TRDMT1: variants seen among roughly 807,000 people sequenced by gnomAD.
The protein encoded by TRDMT1 is tRNA aspartic acid methyltransferase 1, also known as tRNA (cytosine(38)-C(5))-methyltransferase.
In TRDMT1, 49 loss-of-function variants were observed where a neutral mutation model predicts 51.2. The observed-to-expected ratio is 0.96, with a 90% CI of 0.76 to 1.21. The LOEUF (loss-of-function observed/expected upper bound fraction) is 1.21, where lower values mean the gene tolerates loss of function less well. Among genes scored for constraint, TRDMT1 ranks in the 50% most tolerant of loss-of-function variants. The probability of loss-of-function intolerance (pLI) is 0.00; values close to 1 mark genes in which losing one functional copy is unlikely to be tolerated. For synonymous variants in TRDMT1, 187 were observed against 164.6 expected (o/e 1.14, Z -1.04); for missense variants, 534 against 462.3 (o/e 1.16, Z -1.42).
At chr10:17,182,929 CCTAGCAG>C (rs969325380) in intron 1 of TRDMT1, among the ~76,000 whole-genome samples, 4 of 152,164 alleles carry the variant, frequency 2.6e-5, no homozygotes, top group Non-Finnish European at 4.4e-5. Context: ...ACCAGTTTTA[CCTAGCAG>C]CTTGGCAAAG....
Position 17,146,805 on chromosome 10 carries a change from T to C in TRDMT1, c.*2235A>G, listed in dbSNP as rs1838149588. 1 of 985,278 alleles carries C rather than the reference T, an allele frequency of 1.0e-6. No individual in the cohort carries two copies. The highest frequency in any genetic ancestry group is 6.1e-5 in the Admixed American group (1 of 16,264). 61.0% of individuals were successfully genotyped at this position (985,278 alleles called of 1,614,324 possible). ...TATTACCAAAAGCATATAGCAGACA[T>C]TCCATAAAATAACATTTTCCAAATT... On this transcript the variant is annotated 3_prime_UTR_variant, in exon 11 of 11. Coordinates refer to ENST00000377799, the MANE Select transcript of TRDMT1 (RefSeq NM_004412.7).
At chr10:17,170,802 A>G (rs1208614345) in intron 2 of TRDMT1, among the ~76,000 whole-genome samples, 2 of 150,722 alleles carry the variant, frequency 1.3e-5, no homozygotes, top group African/African-American at 4.9e-5. Context: ...ACTTTCTCCT[A>G]TTATGTCTTC....
intron 1 of TRDMT1, among the ~76,000 whole-genome samples, chr10:17,180,297 T>A (rs1055100487): frequency 5.3e-5 from 8 of 152,136 alleles, no homozygotes; most frequent in African/African-American, 1.9e-4. Context: ...TCCTAGCACT[T>A]TGGGAGGCTG....
intron 1 of TRDMT1, among the ~76,000 whole-genome samples, chr10:17,184,230 G>A (rs1047260798): frequency 1.5e-4 from 23 of 152,034 alleles, no homozygotes; most frequent in Admixed American, 8.5e-4. Context: ...TTGAGTGAAT[G>A]ACCACTCATG....
At chr10:17,183,335 T>A (rs929495099) in intron 1 of TRDMT1, among the ~76,000 whole-genome samples, 2 of 152,132 alleles carry the variant, frequency 1.3e-5, no homozygotes, top group Admixed American at 1.3e-4. Context: ...GGTGGTGAGA[T>A]TTGGAGGTAA....
rs1399675547 is a variant in TRDMT1 at position 17,148,038 on chromosome 10, C to T, written c.*1002G>A. ...GATTTCTGGACTTGTTTCTTTTCATCTCTCTTCTCTTTGTCACTTGCTTTT... is the reference window on the plus strand; with the variant it reads ...GATTTCTGGACTTGTTTCTTTTCATTTCTCTTCTCTTTGTCACTTGCTTTT... On this transcript the variant is annotated 3_prime_UTR_variant, in exon 11 of 11. Transcript: ENST00000377799. 6.1e-6 allele frequency: 6 copies of T among 985,120 alleles called. No individual in the cohort carries two copies. The highest frequency in any genetic ancestry group is 6.0e-6 in the Non-Finnish European group (5 of 829,792). The allele number at this position is 985,120 out of a possible 1,614,324, so 61.0% of individuals were successfully genotyped here.
At chr10:17,173,111 C>G (rs1414818002) in intron 2 of TRDMT1, among the ~76,000 whole-genome samples, 4 of 151,956 alleles carry the variant, frequency 2.6e-5, no homozygotes, top group Non-Finnish European at 5.9e-5. Flanking sequence ...AAAATAGTGA[C>G]AATGTAAAAT....
chr10:17,144,202 G>A lies in TRDMT1; in HGVS notation c.*4838C>T. 5 of 985,604 alleles carry A rather than the reference G, an allele frequency of 5.1e-6. No homozygotes were observed. The highest frequency in any genetic ancestry group is 4.8e-6 in the Non-Finnish European group (4 of 829,938). 61.1% of individuals were successfully genotyped at this position (985,604 alleles called of 1,614,324 possible). On this transcript the variant is annotated 3_prime_UTR_variant, in exon 11 of 11. Coordinates refer to ENST00000377799, the MANE Select transcript of TRDMT1 (RefSeq NM_004412.7). ...TCACTCTCATCCTCTGACCCTCTAG[G>A]TGATCTCATCTGATTATAGAGCTAA...
At chr10:17,165,981 G>C (rs569998189) in intron 3 of TRDMT1, among the ~76,000 whole-genome samples, 86 of 152,234 alleles carry the variant, frequency 5.6e-4, no homozygotes, top group African/African-American at 1.9e-3. Context: ...CAGGGATCTA[G>C]AACTAGAAAT....
At chr10:17,165,359 T>C (rs1389024488) in intron 3 of TRDMT1, among the ~76,000 whole-genome samples, 1 of 152,090 alleles carries the variant, frequency 6.6e-6, no homozygotes, top group Non-Finnish European at 1.5e-5. Context: ...CACCTTATAC[T>C]AAAATTAATT....
At position 17,145,714 on chromosome 10, in the gene TRDMT1, T is replaced by C. The variant is rs999603685; in HGVS notation, c.*3326A>G. On this transcript the variant is annotated 3_prime_UTR_variant, in exon 11 of 11. Transcript: ENST00000377799. Reference sequence around the variant, plus strand: ...TCCTTATTGTGTTATCTTGGCTTTTTTAGAAACCGCTTGTTTCTAAACTCT... The same window carrying C: ...TCCTTATTGTGTTATCTTGGCTTTTCTAGAAACCGCTTGTTTCTAAACTCT... 60 of 985,338 alleles carry C rather than the reference T, an allele frequency of 6.1e-5. No individual in the cohort carries two copies. The highest frequency in any genetic ancestry group is 6.7e-5 in the Non-Finnish European group (56 of 829,940). 61.0% of individuals were successfully genotyped at this position (985,338 alleles called of 1,614,324 possible).
chr10:17,183,191 T>A (rs543863922), intron 1 of TRDMT1, among the ~76,000 whole-genome samples: 25 of 152,260 alleles, frequency 1.6e-4, no homozygotes, highest in African/African-American at 5.8e-4. Context: ...CAAAGCAATA[T>A]CCATATTATT....
rs1202996168 is a variant in TRDMT1, at chr10:17,138,992, C to A, written c.*10048G>T. 6.6e-6 allele frequency among the ~76,000 whole-genome samples: 1 copy of A among 152,078 alleles called. No individual in the cohort carries two copies. The highest frequency in any genetic ancestry group is 1.5e-5 in the Non-Finnish European group (1 of 68,022). ...GAGGGTCTCGCATCATTATAAGGAT[C>A]AGCCATAGCAGAGGAGATACTAATT... On this transcript the variant is annotated 3_prime_UTR_variant, in exon 11 of 11. Transcript: ENST00000377799.
At chr10:17,150,678 A>C in intron 10 of TRDMT1, 2 of 984,776 alleles carry the variant, frequency 2.0e-6, no homozygotes, top group Non-Finnish European at 2.4e-6. Context: ...AATTTCATAT[A>C]CTCATGAGGA....
intron 1 of TRDMT1, among the ~76,000 whole-genome samples, chr10:17,177,479 G>C (rs1403706777): frequency 6.6e-6 from 1 of 152,076 alleles, no homozygotes; most frequent in Non-Finnish European, 1.5e-5. Context: ...TGGGATTACA[G>C]GTGTGGGCCA....
At chr10:17,189,631 A>G (rs1844423056) in intron 1 of TRDMT1, among the ~76,000 whole-genome samples, 1 of 152,226 alleles carries the variant, frequency 6.6e-6, no homozygotes, top group South Asian at 2.1e-4. Context: ...ATTCTGAAGA[A>G]GCAGAGAAAT....
intron 1 of TRDMT1, among the ~76,000 whole-genome samples, chr10:17,177,516 A>C (rs572130802): frequency 1.3e-5 from 2 of 152,218 alleles, no homozygotes; most frequent in East Asian, 3.9e-4. Flanking sequence ...AACACAGTAC[A>C]AATTATTTTA....
chr10:17,181,673 T>A (rs1205963254), intron 1 of TRDMT1, among the ~76,000 whole-genome samples: 1 of 47,454 alleles, frequency 2.1e-5, no homozygotes, highest in Non-Finnish European at 4.9e-5. Flanking sequence ...GTTTGACATT[T>A]AGGTCAAATT....
intron 1 of TRDMT1, among the ~76,000 whole-genome samples, chr10:17,198,385 G>T (rs570649674): frequency 6.6e-6 from 1 of 152,264 alleles, no homozygotes; most frequent in African/African-American, 2.4e-5. Flanking sequence ...TGGTCAGCAG[G>T]TAATTGATAC....
Sources: gnomAD v4.1 joint callset for allele counts (sites outside exome capture counted in the v4.1 genomes callset) on GRCh38, gnomAD v4.1.1 for gene constraint, MANE v1.5 for transcripts, NCBI Gene and HGNC (gene_info 2026-07-23, HGNC 2026-07-21) for gene names.